The following PSD3 variants were observed in gnomAD, a reference collection of about 807,000 sequenced individuals.
The protein encoded by PSD3 is PH and SEC7 domain-containing protein 3.
In PSD3, 49 loss-of-function variants were observed where a neutral mutation model predicts 105.5. That is an observed-to-expected ratio of 0.46 (90% CI 0.37 to 0.59). The LOEUF (loss-of-function observed/expected upper bound fraction) is 0.59, where lower values mean the gene tolerates loss of function less well. Ranked by LOEUF, PSD3 falls within the 20% of genes least tolerant of loss-of-function variation. The probability of loss-of-function intolerance (pLI) is 0.00; values close to 1 mark genes in which losing one functional copy is unlikely to be tolerated. For missense variants in PSD3, 1,561 were observed against 1,263.8 expected (o/e 1.24, Z -3.57); for synonymous variants, 557 against 457.8 (o/e 1.22, Z -2.77).
chr8:18,983,041 A>T (rs1433270178), intron 1 of PSD3, among the ~76,000 whole-genome samples: 1 of 152,242 alleles, frequency 6.6e-6, no homozygotes, highest in African/African-American at 2.4e-5. Flanking sequence ...TGTTTAGCAT[A>T]GCCTCAGTCA....
intron 14 of PSD3, among the ~76,000 whole-genome samples, chr8:18,562,664 G>A (rs993246606): frequency 2.6e-5 from 4 of 152,094 alleles, no homozygotes; most frequent in Non-Finnish European, 5.9e-5. Context: ...TGAGATGGGC[G>A]GATCACTGAA....
At chr8:18,642,875 A>C (rs1165094570) in intron 10 of PSD3, among the ~76,000 whole-genome samples, 1 of 152,214 alleles carries the variant, frequency 6.6e-6, no homozygotes, top group Non-Finnish European at 1.5e-5. Flanking sequence ...TAAAGCTAAG[A>C]ACTGGGTGGC....
chr8:18,936,926 G>A (rs1822178121), intron 1 of PSD3, among the ~76,000 whole-genome samples: 1 of 152,092 alleles, frequency 6.6e-6, no homozygotes, highest in South Asian at 2.1e-4. Flanking sequence ...TATATAATCA[G>A]GAACACCATT....
intron 9 of PSD3, among the ~76,000 whole-genome samples, chr8:18,706,743 GC>G (rs1801926787): frequency 7.2e-5 from 11 of 152,198 alleles, no homozygotes; most frequent in Admixed American, 7.2e-4. Flanking sequence ...ACATCAAGCT[GC>G]CTAAGCTTCA....
chr8:18,529,940 G>A lies in PSD3; in HGVS notation c.*5803C>T, dbSNP rs1404765712. On this transcript the variant is annotated 3_prime_UTR_variant, in exon 16 of 16. Coordinates refer to ENST00000327040, the MANE Select transcript of PSD3 (RefSeq NM_015310.4). The stretch of plus-strand genomic sequence containing the variant: ...ACGTCAAGAACCAATTAGGAAAAAT[G>A]ATATATTTGCAAAAATAGTTTGAGA... The A allele has an allele frequency of 1.3e-5, 2 of 152,256 alleles. No homozygotes were observed. The highest frequency in any genetic ancestry group is 1.3e-4 in the Admixed American group (2 of 15,276). 9.4% of individuals were successfully genotyped at this position (152,256 alleles called of 1,614,324 possible).
At chr8:18,841,038 C>T (rs1814578224) in intron 4 of PSD3, among the ~76,000 whole-genome samples, 1 of 152,092 alleles carries the variant, frequency 6.6e-6, no homozygotes, top group South Asian at 2.1e-4. Context: ...TTTAAAAGTA[C>T]TAAAACAAGA....
chr8:18,968,098 A>G (rs1475211229), intron 1 of PSD3, among the ~76,000 whole-genome samples: 4 of 152,190 alleles, frequency 2.6e-5, no homozygotes, highest in Non-Finnish European at 4.4e-5. Context: ...ACAGAAATTT[A>G]TGTCCACATT....
intron 10 of PSD3, among the ~76,000 whole-genome samples, chr8:18,651,068 T>C (rs1433538454): frequency 6.6e-6 from 1 of 152,196 alleles, no homozygotes; most frequent in Non-Finnish European, 1.5e-5. Context: ...CAAGAACATA[T>C]ACCTTAAAAA....
rs563517475 is a variant in PSD3, at chr8:18,996,190, T to C, written c.21+17373A>G. ...CATGGGGCCTTTTGTGTTTAATGCA[T>C]GCAATGAACATTTAGTTGACTGAAT... is the stretch of plus-strand genomic sequence containing the variant. On this transcript the variant is annotated intron_variant, in intron 1 of 15. Coordinates refer to ENST00000327040, the MANE Select transcript of PSD3 (RefSeq NM_015310.4). Among the ~76,000 whole-genome samples, 9 of 151,596 alleles carry C rather than the reference T, an allele frequency of 5.9e-5. No homozygotes were observed. The East Asian group carries it at 1.7e-3, about 29-fold the overall frequency.
intron 11 of PSD3, among the ~76,000 whole-genome samples, chr8:18,623,597 A>G (rs117976914): frequency 0.033 from 4,982 of 150,914 alleles, 117 homozygotes; most frequent in East Asian, 0.1. Flanking sequence ...CTACAATTGC[A>G]TGTACCACTG....
chr8:18,909,402 ATAACT>A (rs1820057387), intron 2 of PSD3, among the ~76,000 whole-genome samples: 1 of 152,214 alleles, frequency 6.6e-6, no homozygotes, highest in African/African-American at 2.4e-5. Context: ...AAAGGCACAG[ATAACT>A]TAGCTATGGA....
At position 18,534,688 on chromosome 8, in the gene PSD3, A is replaced by G. The variant is rs537004653; in HGVS notation, c.*1055T>C. The G allele has an allele frequency of 1.3e-5, 2 of 152,268 alleles. No individual in the cohort carries two copies. The highest frequency in any genetic ancestry group is 1.5e-5 in the Non-Finnish European group (1 of 68,036). 9.4% of individuals were successfully genotyped at this position (152,268 alleles called of 1,614,324 possible). A position where few individuals can be genotyped will look rare whatever the true frequency, so the allele number is the denominator to read the frequency against. ...ATATCCATCGTGGACAACTGCAGCTACGTTTTCCTTCCTTATTTTGTCTTA... is the reference window on the plus strand; with the variant it reads ...ATATCCATCGTGGACAACTGCAGCTGCGTTTTCCTTCCTTATTTTGTCTTA... On this transcript the variant is annotated 3_prime_UTR_variant, in exon 16 of 16. Transcript: ENST00000327040.
At chr8:18,830,466 T>C (rs984624746) in intron 4 of PSD3, among the ~76,000 whole-genome samples, 1 of 152,156 alleles carries the variant, frequency 6.6e-6, no homozygotes, top group Admixed American at 6.5e-5. Context: ...CTTCTGGGCA[T>C]CTCTTTTAGT....
At chr8:18,582,165 G>C (rs1255821978) in intron 12 of PSD3, among the ~76,000 whole-genome samples, 1 of 152,118 alleles carries the variant, frequency 6.6e-6, no homozygotes, top group African/African-American at 2.4e-5. Context: ...GAGTGGAGTG[G>C]ATCAAACTGG....
chr8:18,582,586 T>C (rs1802887779), intron 12 of PSD3, among the ~76,000 whole-genome samples: 1 of 152,244 alleles, frequency 6.6e-6, no homozygotes, highest in African/African-American at 2.4e-5. Context: ...TGTTCAGATC[T>C]GCATTTCTGG....
Position 18,556,317 on chromosome 8 carries a change from C to G in PSD3, c.2820G>C (p.Lys940Asn). 6.2e-7 allele frequency: 1 copy of G among 1,613,680 alleles called. No individual in the cohort carries two copies. Among genetic ancestry groups the G allele is most frequent in the Non-Finnish European group, 8.5e-7 (1 of 1,179,872 alleles). The change falls in exon 15 of 16, where the codon AAG becomes AAC. Residue 940 changes from lysine (K) to asparagine (N), a missense_variant. Coordinates refer to ENST00000327040, the MANE Select transcript of PSD3 (RefSeq NM_015310.4). ...EQLKSHESKL[K>N]QITTELAEHR... is the part of the protein sequence containing the mutation. Reference sequence around the variant, plus strand: ...GCTCGGCCAGCTCGGTGGTGATCTGCTTCAGCTTACTTTCATGTGACTTCA... The same window carrying G: ...GCTCGGCCAGCTCGGTGGTGATCTGGTTCAGCTTACTTTCATGTGACTTCA...
intron 1 of PSD3, among the ~76,000 whole-genome samples, chr8:18,959,813 A>G (rs887404545): frequency 2.6e-5 from 4 of 152,206 alleles, no homozygotes; most frequent in Non-Finnish European, 5.9e-5. Context: ...AGGCTGTAGT[A>G]CAGAACCAGC....
chr8:19,074,376 C>A (rs1829377435), intron 1 of PSD3, among the ~76,000 whole-genome samples: 1 of 151,876 alleles, frequency 6.6e-6, no homozygotes, highest in South Asian at 2.1e-4. Context: ...CGGGGGGTGC[C>A]ACAACTCTGT....
chr8:18,678,681 C>T (rs1009993458), intron 9 of PSD3, among the ~76,000 whole-genome samples: 1 of 80,508 alleles, frequency 1.2e-5, no homozygotes, highest in African/African-American at 4.8e-5. Flanking sequence ...CGTGGTGGCG[C>T]ATGCCTGTAA....
Sources: gnomAD v4.1 joint callset for allele counts (sites outside exome capture counted in the v4.1 genomes callset) on GRCh38, gnomAD v4.1.1 for gene constraint, MANE v1.5 for transcripts, NCBI Gene and HGNC (gene_info 2026-07-23, HGNC 2026-07-21) for gene names.